Variants in PCSK7 observed in about 807,000 individuals in gnomAD.
PCSK7 encodes lymphoma proprotein convertase.
Under a neutral mutation model 73.3 loss-of-function variants are expected in PCSK7, and 38 were observed. The ratio of observed to expected loss-of-function variants is 0.52; its 90% confidence interval spans 0.40 to 0.68. The LOEUF (loss-of-function observed/expected upper bound fraction) is 0.68, where lower values mean the gene tolerates loss of function less well. PCSK7 is among the 30% of genes least tolerant of loss of function. PCSK7 has a pLI of 0.00. For synonymous variants in PCSK7, 296 were observed against 383.8 expected, an observed-to-expected ratio of 0.77 and a Z score of 2.68; for missense variants, 692 against 991.5, an observed-to-expected ratio of 0.70 and a Z score of 4.06.
Position 117,227,320 on chromosome 11 carries a change from G to T in PCSK7, c.606C>A (p.Ser202Arg). Residue 202 changes from serine to arginine, a missense_variant and splice_region_variant, in exon 5 of 17, where the codon AGC becomes AGA. This residue lies in a region of PCSK7 where 574 missense variants were observed against 689.8 expected (regional missense o/e 0.83). Transcript: ENST00000320934. ...HTIQDIAPNYSPEGSYDLNSN... is the reference protein window; with the variant it reads ...HTIQDIAPNYRPEGSYDLNSN... ...AGTTGAGGTCATAGCTACCCTCAGG[G>T]CTCTGAAATATTTTGGAGGTGACAT... 1 of 1,612,740 alleles carries T rather than the reference G, an allele frequency of 6.2e-7. No homozygotes were observed. Among genetic ancestry groups the T allele is most frequent in the East Asian group, 2.2e-5 (1 of 44,878 alleles).
intron 3 of PCSK7, 108 bp downstream of exon 3, chr11:117,229,269 C>T: frequency 3.4e-6 from 3 of 873,730 alleles, no homozygotes; most frequent in Non-Finnish European, 5.4e-6. Context: ...GAAATGGTCC[C>T]TCAGGCAAAG....
intron 12 of PCSK7, chr11:117,212,657 T>C (rs111765459): frequency 0.28 from 42,701 of 151,098 alleles, 6,991 homozygotes; most frequent in African/African-American, 0.45. Context: ...GTGATCCACC[T>C]GCCTTGGCCT....
rs761129566 is a variant in PCSK7 at position 117,216,432 on chromosome 11, A to ATTTTTTTTTTTT, written c.1534+2033_1534+2034insAAAAAAAAAAAA. ...CCTGGGACTGAGCTGCTCAACTCTCAATTTTTTTTTTTTTTTTTTTTTTTG... is the reference window on the plus strand; with the variant it reads ...CCTGGGACTGAGCTGCTCAACTCTCATTTTTTTTTTTTATTTTTTTTTTTTTTTTTTTTTTTG... On this transcript the variant is annotated intron_variant, in intron 12 of 16. Transcript: ENST00000320934. 6 of 115,824 alleles carry ATTTTTTTTTTTT rather than the reference A, an allele frequency of 5.2e-5. 2 individuals are homozygous for ATTTTTTTTTTTT. The highest frequency in any genetic ancestry group is 6.6e-5 in the Non-Finnish European group (4 of 60,996). 7.2% of individuals were successfully genotyped at this position (115,824 alleles called of 1,614,324 possible). A position where few individuals can be genotyped will look rare whatever the true frequency, so the allele number is the denominator to read the frequency against.
chr11:117,223,194 CG>C lies in PCSK7; in HGVS notation c.1155+13del. On this transcript the variant is annotated intron_variant, in intron 9 of 16. Transcript: ENST00000320934. ...GGAAAGGGGCAGGCCGTGGAGGGCC[CG>C]GGAGGCACTCACAATGCTCCGAAGC... The C allele has an allele frequency of 6.6e-7, 1 of 1,525,944 alleles. No homozygotes were observed. The highest frequency in any genetic ancestry group is 9.1e-7 in the Non-Finnish European group (1 of 1,099,772). 94.5% of individuals were successfully genotyped at this position (1,525,944 alleles called of 1,614,324 possible).
chr11:117,229,746 G>A lies in PCSK7; in HGVS notation c.99C>T (p.Pro33=), dbSNP rs755632812. The A allele has an allele frequency of 1.5e-5, 25 of 1,613,778 alleles. No homozygotes were observed. Among genetic ancestry groups the A allele is most frequent in the African/African-American group, 9.3e-5 (7 of 74,954 alleles). ...CTGTCCCTGCCAGGCCCATGACCCAGGGAACCAGTAAGAAGAGCCCGGCTA... is the reference window on the plus strand; with the variant it reads ...CTGTCCCTGCCAGGCCCATGACCCAAGGAACCAGTAAGAAGAGCCCGGCTA... ...LELAGLFLLV[P]WVMGLAGTGG... is the part of the protein sequence containing the mutation. Residue 33 remains proline (P), a synonymous_variant, in exon 3 of 17, where the codon CCC becomes CCT. Coordinates refer to ENST00000320934, the MANE Select transcript of PCSK7 (RefSeq NM_004716.4).
Position 117,218,692 on chromosome 11 carries a change from C to T in PCSK7, c.1432-124G>A. 1.7e-6 allele frequency: 1 copy of T among 606,002 alleles called. No homozygotes were observed. Among genetic ancestry groups the T allele is most frequent in the Non-Finnish European group, 2.9e-6 (1 of 344,636 alleles). 37.5% of individuals were successfully genotyped at this position (606,002 alleles called of 1,614,324 possible). On this transcript the variant is annotated intron_variant, in intron 11 of 16. Transcript: ENST00000320934. This position sits in a 1 kb window ranked among gnomAD's most constrained non-coding sequence, Gnocchi z 4.0. Reference sequence around the variant, plus strand: ...TTTAGCTGTCTTTATTTTTCCACTCCTCATCATCTTCCTTCAGCCCTCAGC... The same window carrying T: ...TTTAGCTGTCTTTATTTTTCCACTCTTCATCATCTTCCTTCAGCCCTCAGC...
At chr11:117,224,959 G>C in intron 6 of PCSK7, 1 of 576,728 alleles carries the variant, frequency 1.7e-6, no homozygotes, top group East Asian at 2.9e-5. Flanking sequence ...GTGTGCTAAG[G>C]CTCTTCTTTT....
chr11:117,224,924 C>G lies in PCSK7; in HGVS notation c.861-169G>C, dbSNP rs566627400. ...AAAGGCACAGGGTTCAAAGGTCCATCCCCTCTCCAAAGTGGAAAACAGAAG... is the reference window on the plus strand; with the variant it reads ...AAAGGCACAGGGTTCAAAGGTCCATGCCCTCTCCAAAGTGGAAAACAGAAG... On this transcript the variant is annotated intron_variant, in intron 6 of 16. Transcript: ENST00000320934. 30 of 633,842 alleles carry G rather than the reference C, an allele frequency of 4.7e-5. No homozygotes were observed. The East Asian group carries it at 7.8e-4, about 16-fold the overall frequency. 39.3% of individuals were successfully genotyped at this position (633,842 alleles called of 1,614,324 possible).
At chr11:117,226,237 A>C (rs2032421507) in intron 5 of PCSK7, 4 of 555,630 alleles carry the variant, frequency 7.2e-6, no homozygotes, top group East Asian at 3.0e-5. Flanking sequence ...CCTGGGTTCA[A>C]GCGATTGTCT....
chr11:117,204,410 A>C lies in PCSK7; in HGVS notation c.*1587T>G, dbSNP rs1198012045. The C allele has an allele frequency of 6.2e-7, 1 of 1,612,982 alleles. No individual in the cohort carries two copies. Among genetic ancestry groups the C allele is most frequent in the Non-Finnish European group, 8.5e-7 (1 of 1,179,492 alleles). On this transcript the variant is annotated 3_prime_UTR_variant, in exon 17 of 17. Transcript: ENST00000320934. ...GGCCCTCCCCCAGCTCCTTGGCTGC[A>C]GCCATCCCGCTTAGCCTGCCTCACC...
rs1269586261 is a variant in PCSK7 at position 117,230,487 on chromosome 11, G to C, written c.-132-19C>G. ...TACAGACCTGTGGGATCCAAGAACA[G>C]AAGAAATAATGTCCCACCAATCCCA... On this transcript the variant is annotated intron_variant, in intron 1 of 16. Transcript: ENST00000320934. 1 of 152,278 alleles carries C rather than the reference G, an allele frequency of 6.6e-6. No individual in the cohort carries two copies. The allele number at this position is 152,278 out of a possible 1,614,324, so 9.4% of individuals were successfully genotyped here.
Position 117,226,893 on chromosome 11 carries a change from G to C in PCSK7, c.769+264C>G, listed in dbSNP as rs1419584629. The C allele has an allele frequency of 1.0e-5, 4 of 394,918 alleles. No individual in the cohort carries two copies. In the East Asian group the frequency reaches 2.0e-4, roughly 19 times the overall value. 24.5% of individuals were successfully genotyped at this position (394,918 alleles called of 1,614,324 possible). On this transcript the variant is annotated intron_variant, in intron 5 of 16. Coordinates refer to ENST00000320934, the MANE Select transcript of PCSK7 (RefSeq NM_004716.4). ...CAAAGGCTGCCACCATAGACGTATC[G>C]GATCATAGAGGAAAAACCGACAAGA... is the stretch of plus-strand genomic sequence containing the variant.
chr11:117,208,132 ACTTT>A, intron 13 of PCSK7, 68 bp from the exon 14 acceptor site: 2 of 403,474 alleles, frequency 5.0e-6, no homozygotes, highest in Non-Finnish European at 8.4e-6. Context: ...CCCCAGCAAC[ACTTT>A]CTTACTGTAG....
Position 117,224,704 on chromosome 11 carries a change from T to C in PCSK7, c.912A>G (p.Gly304=), listed in dbSNP as rs762736322. ...AGTCTTTGTGCAGGCCAGTTACCTTTCCAAGCTGATGGGGGCCATCCACTG... is the reference window on the plus strand; with the variant it reads ...AGTCTTTGTGCAGGCCAGTTACCTTCCCAAGCTGATGGGGGCCATCCACTG... ...GKTVDGPHQL[G]KAALQHGVIA... The change falls in exon 7 of 17, where the codon GGA becomes GGG. Residue 304 remains glycine, a synonymous_variant. Transcript: ENST00000320934. The C allele has an allele frequency of 9.9e-6, 16 of 1,612,904 alleles. No homozygotes were observed. In the African/African-American group the frequency reaches 2.1e-4, roughly 22 times the overall value.
At chr11:117,225,738 G>A (rs1047638519) in intron 6 of PCSK7, 193 bp downstream of exon 6, 4 of 609,944 alleles carry the variant, frequency 6.6e-6, no homozygotes, top group East Asian at 5.5e-5. Context: ...ATCTGATTAC[G>A]GGGGTGACGG....
intron 9 of PCSK7, chr11:117,222,324 T>C (rs2032235290): frequency 6.6e-6 from 1 of 152,242 alleles, no homozygotes; most frequent in Non-Finnish European, 1.5e-5. Flanking sequence ...AGAAGCTCCA[T>C]GACCCTGCTC....
intron 12 of PCSK7, chr11:117,215,417 T>TTTTC (rs1181774994): frequency 7.8e-6 from 1 of 127,934 alleles, no homozygotes; most frequent in African/African-American, 3.1e-5. Context: ...CTTTTTTTTT[T>TTTTC]TGAGATGGAG....
At chr11:117,212,860 G>C (rs1051620837) in intron 12 of PCSK7, 1 of 152,100 alleles carries the variant, frequency 6.6e-6, no homozygotes, top group Non-Finnish European at 1.5e-5. Context: ...AACTGTAAGT[G>C]TGCACCACCA....
intron 16 of PCSK7, 90 bp from the exon 17 acceptor site, chr11:117,206,446 T>C: frequency 6.6e-7 from 1 of 1,523,946 alleles, no homozygotes; most frequent in Admixed American, 2.1e-5. Flanking sequence ...GAAAGTCTTT[T>C]TCCTTCTAGG....
Sources: gnomAD v4.1 joint callset for allele counts on GRCh38, gnomAD v4.1.1 for gene constraint, gnomAD v4.1.1 regional missense constraint, Gnocchi (gnomAD v3.1) non-coding constraint, MANE v1.5 for transcripts, NCBI Gene and HGNC (gene_info 2026-07-23, HGNC 2026-07-21) for gene names.